The following DST variants were observed in gnomAD, a reference collection of about 807,000 sequenced individuals.
DST encodes the protein dystonin.
Under a neutral mutation model 875.2 loss-of-function variants are expected in DST, and 253 were observed. The observed-to-expected ratio is 0.29, with a 90% CI of 0.26 to 0.32. The LOEUF is 0.32. Ranked by LOEUF, DST falls within the 10% of genes least tolerant of loss-of-function variation. DST has a pLI of 1.00. For missense variants in DST, 8,287 were observed against 9,111.6 expected (o/e 0.91, Z 3.68); for synonymous variants, 3,124 against 3,197.1 (o/e 0.98, Z 0.77).
Position 56,489,500 on chromosome 6 carries a change from G to T in DST, c.20867C>A (p.Ala6956Glu). ...TAATTATGGACCCACCTTATGTTGTGCAAGTTGTGTTTTTATTTTGTCTGG... is the reference window on the plus strand; with the variant it reads ...TAATTATGGACCCACCTTATGTTGTTCAAGTTGTGTTTTTATTTTGTCTGG... Reference protein sequence around the residue: ...NDPDKIKTQLAQHKEFQKSLG... With the variant: ...NDPDKIKTQLEQHKEFQKSLG... Residue 6956 changes from alanine (A) to glutamate (E), a missense_variant, in exon 86 of 104, where the codon GCA (alanine) becomes GAA (glutamate). Ala to Glu is a moderately radical substitution (Grantham distance 107). Coordinates refer to ENST00000680361, the MANE Select transcript of DST (RefSeq NM_001374736.1). The T allele has an allele frequency of 6.2e-7, 1 of 1,612,090 alleles. No individual in the cohort carries two copies.
chr6:56,642,234 T>C, intron 16 of DST, 133 bp from the exon 17 acceptor site: 1 of 901,904 alleles, frequency 1.1e-6, no homozygotes, highest in Non-Finnish European at 1.8e-6. Context: ...CAAAAATATG[T>C]TTTCCCTCTT....
At chr6:56,479,652 T>C (rs1364326792) in intron 90 of DST, among the ~76,000 whole-genome samples, 1 of 152,152 alleles carries the variant, frequency 6.6e-6, no homozygotes, top group Non-Finnish European at 1.5e-5. Flanking sequence ...TGGAAGGCAT[T>C]ACCCTAAGTG....
intron 36 of DST, among the ~76,000 whole-genome samples, chr6:56,621,297 A>G (rs1329109991): frequency 6.6e-6 from 1 of 152,244 alleles, no homozygotes; most frequent in East Asian, 1.9e-4. Context: ...AGGAAATAAC[A>G]TGGGGAAGAA....
intron 2 of DST, 26 bp downstream of exon 2, chr6:56,953,759 T>C: frequency 3.1e-6 from 4 of 1,309,532 alleles, no homozygotes; most frequent in Non-Finnish European, 4.0e-6. Flanking sequence ...TCTTCTGACC[T>C]TGAGCGTGCG....
chr6:56,486,102 G>A (rs551749185), intron 87 of DST, among the ~76,000 whole-genome samples: 2 of 152,218 alleles, frequency 1.3e-5, no homozygotes, highest in South Asian at 2.1e-4. Flanking sequence ...AGTGGCTCAC[G>A]CCTGTAATCC....
At position 56,640,072 on chromosome 6, in the gene DST, A is replaced by T; in HGVS notation, c.2491-15T>A. 1 of 1,614,070 alleles carries T rather than the reference A, an allele frequency of 6.2e-7. No individual in the cohort carries two copies. Among genetic ancestry groups the T allele is most frequent in the African/African-American group, 1.3e-5 (1 of 75,048 alleles). ...TCCAGTTGTACCTTCAGACAGTAAA[A>T]TACTAAGTTTAAAAAAGAAATTGAT... On this transcript the variant is annotated splice_polypyrimidine_tract_variant and intron_variant, in intron 18 of 103. Coordinates refer to ENST00000680361, the MANE Select transcript of DST (RefSeq NM_001374736.1).
intron 81 of DST, 97 bp downstream of exon 81, chr6:56,497,759 T>C: frequency 2.5e-6 from 3 of 1,183,090 alleles, no homozygotes; most frequent in South Asian, 1.7e-5. Flanking sequence ...CCTTAAGGTA[T>C]AAAAATTAAA....
chr6:56,856,910 A>G (rs1009997054), intron 3 of DST, among the ~76,000 whole-genome samples: 66 of 152,316 alleles, frequency 4.3e-4, no homozygotes, highest in African/African-American at 1.6e-3. Context: ...AAAAGTATTA[A>G]ATGTGATAAT....
intron 15 of DST, among the ~76,000 whole-genome samples, chr6:56,644,561 T>C (rs778917230): frequency 6.6e-6 from 1 of 152,160 alleles, no homozygotes; most frequent in Non-Finnish European, 1.5e-5. Flanking sequence ...ATCTGTGGAA[T>C]AGGCAAGACT....
Position 56,608,559 on chromosome 6 carries a change from A to G in DST, c.6069T>C (p.Ser2023=). 1 of 1,613,532 alleles carries G rather than the reference A, an allele frequency of 6.2e-7. No homozygotes were observed. The highest frequency in any genetic ancestry group is 1.1e-5 in the South Asian group (1 of 91,046). ...CAGTTTGAACCTGATATGTGAGGATACTGCTAGCAGTGTCCCTGTCAATCA... is the reference window on the plus strand; with the variant it reads ...CAGTTTGAACCTGATATGTGAGGATGCTGCTAGCAGTGTCCCTGTCAATCA... ...EGVIDRDTAS[S]ILTYQVQTGG... Residue 2023 remains serine, a synonymous_variant, in exon 40 of 104, where the codon AGT becomes AGC. Coordinates refer to ENST00000680361, the MANE Select transcript of DST (RefSeq NM_001374736.1).
chr6:56,951,188 A>C (rs1822111646), intron 2 of DST, among the ~76,000 whole-genome samples: 1 of 152,210 alleles, frequency 6.6e-6, no homozygotes, highest in Non-Finnish European at 1.5e-5. Context: ...TACTCACTGA[A>C]CTTCTTCATC....
At chr6:56,612,764 AT>A (rs2098555595) in intron 37 of DST, among the ~76,000 whole-genome samples, 1 of 152,258 alleles carries the variant, frequency 6.6e-6, no homozygotes, top group Non-Finnish European at 1.5e-5. Flanking sequence ...TTAGACAGTT[AT>A]AATTAACGCC....
rs758611167 is a variant in DST, at chr6:56,607,761, A to G, written c.6867T>C (p.His2289=). Residue 2289 remains histidine, a synonymous_variant, in exon 40 of 104, where the codon CAT becomes CAC. Transcript: ENST00000680361. The part of the protein sequence containing the change: ...FNKCHCGEPE[H]EETPENRKCA... ...ACTTTCTATTTTCAGGAGTCTCTTCATGTTCAGGTTCTCCACAGTGACATT... is the reference window on the plus strand; with the variant it reads ...ACTTTCTATTTTCAGGAGTCTCTTCGTGTTCAGGTTCTCCACAGTGACATT... The G allele has an allele frequency of 6.2e-7, 1 of 1,613,482 alleles. No individual in the cohort carries two copies. Among genetic ancestry groups the G allele is most frequent in the South Asian group, 1.1e-5 (1 of 91,072 alleles).
At chr6:56,620,363 G>T (rs35704043) in intron 36 of DST, 2 of 1,614,022 alleles carry the variant, frequency 1.2e-6, no homozygotes, top group East Asian at 4.5e-5. Flanking sequence ...TTTAGCCTCG[G>T]CCTCTATGGT....
intron 49 of DST, among the ~76,000 whole-genome samples, chr6:56,580,534 G>C (rs547927430): frequency 1.3e-4 from 19 of 151,090 alleles, no homozygotes; most frequent in Non-Finnish European, 2.1e-4. Context: ...CTGGGTGACA[G>C]AGTGATATTC....
intron 4 of DST, among the ~76,000 whole-genome samples, chr6:56,815,251 G>A (rs774034989): frequency 2.8e-4 from 42 of 152,280 alleles, no homozygotes; most frequent in Non-Finnish European, 5.1e-4. Context: ...AGAAAATGGA[G>A]CTATAAATAA....
At chr6:56,903,648 T>A (rs188200062) in intron 2 of DST, among the ~76,000 whole-genome samples, 52 of 152,062 alleles carry the variant, frequency 3.4e-4, no homozygotes, top group African/African-American at 1.2e-3. Context: ...TTAGTACAGA[T>A]GGGGTTTCAC....
intron 3 of DST, among the ~76,000 whole-genome samples, chr6:56,857,753 T>C (rs1291650235): frequency 6.6e-6 from 1 of 152,238 alleles, no homozygotes; most frequent in Non-Finnish European, 1.5e-5. Context: ...CTCGATGTTG[T>C]ATCAAAATAT....
At chr6:56,468,165 AAAAT>A (rs376143623) in intron 98 of DST, among the ~76,000 whole-genome samples, 47,371 of 151,756 alleles carry the variant, frequency 0.31, 7,994 homozygotes, top group Middle Eastern at 0.45. Flanking sequence ...AAAGTAAAAT[AAAAT>A]AAAATAAAAT....
Sources: allele counts gnomAD v4.1 joint callset (sites outside exome capture counted in the v4.1 genomes callset), GRCh38; gene constraint gnomAD v4.1.1; transcripts MANE v1.5; gene names NCBI Gene and HGNC (gene_info 2026-07-23, HGNC 2026-07-21).